WNT3A: variants seen among roughly 807,000 people sequenced by gnomAD.
WNT3A encodes Wnt family member 3A, also known as protein Wnt-3a.
WNT3A carries 17 observed loss-of-function variants against 37.0 expected under a neutral mutation model. The observed-to-expected ratio is 0.46, with a 90% CI of 0.31 to 0.69. The LOEUF is 0.69. Ranked by LOEUF, WNT3A falls within the 30% of genes least tolerant of loss-of-function variation. The probability of loss-of-function intolerance (pLI) is 0.05; values close to 1 mark genes in which losing one functional copy is unlikely to be tolerated. For missense variants in WNT3A, 411 were observed against 510.2 expected, an observed-to-expected ratio of 0.81 and a Z score of 1.87; for synonymous variants, 187 against 211.0, an observed-to-expected ratio of 0.89 and a Z score of 0.99.
chr1:228,026,639 T>C (rs888716700), intron 2 of WNT3A, among the ~76,000 whole-genome samples: 3 of 152,180 alleles, frequency 2.0e-5, no homozygotes, highest in African/African-American at 7.2e-5. Flanking sequence ...GAGTCTCCAG[T>C]GTCCATGATA....
intron 2 of WNT3A, among the ~76,000 whole-genome samples, chr1:228,048,046 T>C (rs998072265): frequency 6.6e-6 from 1 of 151,960 alleles, no homozygotes; most frequent in African/African-American, 2.4e-5. Context: ...GCAGAGGAGG[T>C]CACAGCCCCC....
In WNT3A at chr1:228,037,938, G is replaced by T. The variant is rs2031183748; in HGVS notation, c.314-12718G>T. On this transcript the variant is annotated intron_variant, in intron 2 of 3. Coordinates refer to ENST00000284523, the MANE Select transcript of WNT3A (RefSeq NM_033131.4). The surrounding 1 kb of genome is among the most constrained non-coding windows in gnomAD (Gnocchi z 4.1). ...GCATACTTCCAGGTTGCTATGACTG[G>T]CCTGCGCTCGCCTAATCACCGACTA... Among the ~76,000 whole-genome samples, 1 of 152,232 alleles carries T rather than the reference G, an allele frequency of 6.6e-6. No individual in the cohort carries two copies. Among genetic ancestry groups the T allele is most frequent in the African/African-American group, 2.4e-5 (1 of 41,478 alleles).
chr1:228,030,304 G>A (rs1392883784), intron 2 of WNT3A, among the ~76,000 whole-genome samples: 1 of 150,960 alleles, frequency 6.6e-6, no homozygotes, highest in Admixed American at 6.6e-5. Flanking sequence ...GCTGAGGCAC[G>A]AGAATCACTT....
At position 228,038,524 on chromosome 1, in the gene WNT3A, G is replaced by A. The variant is rs2031196321; in HGVS notation, c.314-12132G>A. Among the ~76,000 whole-genome samples, 1 of 152,236 alleles carries A rather than the reference G, an allele frequency of 6.6e-6. No homozygotes were observed. The highest frequency in any genetic ancestry group is 1.5e-5 in the Non-Finnish European group (1 of 68,030). On this transcript the variant is annotated intron_variant, in intron 2 of 3. Transcript: ENST00000284523. This position sits in a 1 kb window ranked among gnomAD's most constrained non-coding sequence, Gnocchi z 5.7. ...ACAGTGACCTGCAGGCCCCTGGCCAGTCTGGTCAGGTGGTCCTAGCTGGGA... is the reference window on the plus strand; with the variant it reads ...ACAGTGACCTGCAGGCCCCTGGCCAATCTGGTCAGGTGGTCCTAGCTGGGA...
At position 228,037,747 on chromosome 1, in the gene WNT3A, G is replaced by A. The variant is rs1235198295; in HGVS notation, c.314-12909G>A. ...CCCCAGTGGGAGGGGAACCCCGGCCGACTCCCCGCCGCGTCCGGCTGGGAG... is the reference window on the plus strand; with the variant it reads ...CCCCAGTGGGAGGGGAACCCCGGCCAACTCCCCGCCGCGTCCGGCTGGGAG... On this transcript the variant is annotated intron_variant, in intron 2 of 3. Transcript: ENST00000284523. This position sits in a 1 kb window ranked among gnomAD's most constrained non-coding sequence, Gnocchi z 4.1. Among the ~76,000 whole-genome samples, 1 of 152,220 alleles carries A rather than the reference G, an allele frequency of 6.6e-6. No individual in the cohort carries two copies. The highest frequency in any genetic ancestry group is 1.5e-5 in the Non-Finnish European group (1 of 68,026).
At chr1:228,017,597 C>T (rs1028622544) in intron 1 of WNT3A, among the ~76,000 whole-genome samples, 1 of 152,180 alleles carries the variant, frequency 6.6e-6, no homozygotes, top group African/African-American at 2.4e-5. Context: ...CCTGTGGTTC[C>T]AACTACTTGG....
At chr1:228,057,233 T>C (rs930512406) in intron 3 of WNT3A, among the ~76,000 whole-genome samples, 1 of 152,216 alleles carries the variant, frequency 6.6e-6, no homozygotes, top group African/African-American at 2.4e-5. Flanking sequence ...GAAATTAAGC[T>C]AGTTTTTAGG....
chr1:228,009,935 T>C (rs530899925), intron 1 of WNT3A, among the ~76,000 whole-genome samples: 61 of 152,266 alleles, frequency 4.0e-4, no homozygotes, highest in Admixed American at 1.2e-3. Context: ...AGCCTAACAC[T>C]GAATGGCCCA....
intron 2 of WNT3A, among the ~76,000 whole-genome samples, chr1:228,049,301 C>T (rs1162547549): frequency 6.6e-6 from 1 of 152,190 alleles, no homozygotes; most frequent in Non-Finnish European, 1.5e-5. Flanking sequence ...ATCTGGGCAG[C>T]AGAAGGAATT....
rs71650378 is a variant in WNT3A, at chr1:228,037,475, C to T, written c.314-13181C>T. On this transcript the variant is annotated intron_variant, in intron 2 of 3. Coordinates refer to ENST00000284523, the MANE Select transcript of WNT3A (RefSeq NM_033131.4). The surrounding 1 kb of genome is among the most constrained non-coding windows in gnomAD (Gnocchi z 4.1). ...CCAGCCTCCTCTCCTCCCCGCTGAG[C>T]CCCCAGGAGCCCCTCGGGGGTGGTC... Among the ~76,000 whole-genome samples, 1,148 of 152,158 alleles carry T rather than the reference C, an allele frequency of 7.5e-3. 10 individuals carry two copies. The highest frequency in any genetic ancestry group is 0.012 in the Non-Finnish European group (824 of 67,960).
In WNT3A at chr1:228,050,764, G is replaced by C. The variant is rs148616293; in HGVS notation, c.422G>C (p.Arg141Pro). The change falls in exon 3 of 4, where the codon CGC (arginine) becomes CCC (proline). Residue 141 changes from arginine (R) to proline (P), a missense_variant. Transcript: ENST00000284523. The surrounding 1 kb of genome is among the most constrained non-coding windows in gnomAD (Gnocchi z 5.0). ...GTAAICGCSS[R>P]HQGSPGKGWK... ...GCCGCCATCTGTGGCTGCAGCAGCC[G>C]CCACCAGGGCTCACCAGGCAAGGGC... is the stretch of plus-strand genomic sequence containing the variant. 4.3e-5 allele frequency: 70 copies of C among 1,613,986 alleles called. No homozygotes were observed. The highest frequency in any genetic ancestry group is 5.7e-5 in the Non-Finnish European group (67 of 1,180,036).
chr1:228,022,544 C>A, intron 1 of WNT3A, 123 bp from the exon 2 acceptor site: 1 of 1,243,846 alleles, frequency 8.0e-7, no homozygotes, highest in Non-Finnish European at 1.1e-6. Context: ...AGATTTCCTT[C>A]ATGGTGGAAG....
chr1:228,026,136 AT>A (rs35216745), intron 2 of WNT3A, among the ~76,000 whole-genome samples: 99,050 of 150,388 alleles, frequency 0.66, 32,669 homozygotes, highest in Middle Eastern at 0.74. Context: ...CAAGAAATAC[AT>A]TTTTTTTTTT....
chr1:228,046,594 G>A (rs1315521465), intron 2 of WNT3A, among the ~76,000 whole-genome samples: 1 of 149,686 alleles, frequency 6.7e-6, no homozygotes, highest in Non-Finnish European at 1.5e-5. Flanking sequence ...GTATATGTGG[G>A]GTATGTGCAT....
chr1:228,040,610 G>A (rs537982599), intron 2 of WNT3A, among the ~76,000 whole-genome samples: 5 of 152,280 alleles, frequency 3.3e-5, no homozygotes, highest in African/African-American at 7.2e-5. Context: ...ATGGCCGGGC[G>A]CAGTGGCTCA....
At chr1:228,034,087 C>T (rs2031081061) in intron 2 of WNT3A, among the ~76,000 whole-genome samples, 1 of 152,110 alleles carries the variant, frequency 6.6e-6, no homozygotes, top group African/African-American at 2.4e-5. Context: ...CATGACAAAA[C>T]CCTGTCTCTA....
chr1:228,029,468 C>T (rs2030944712), intron 2 of WNT3A, among the ~76,000 whole-genome samples: 1 of 152,128 alleles, frequency 6.6e-6, no homozygotes, highest in South Asian at 2.1e-4. Context: ...ACTTTGGAGA[C>T]CATGGTGCCG....
chr1:228,013,119 C>T (rs1320198715), intron 1 of WNT3A, among the ~76,000 whole-genome samples: 1 of 152,168 alleles, frequency 6.6e-6, no homozygotes, highest in African/African-American at 2.4e-5. Flanking sequence ...AACCATGTGG[C>T]CCAGGCTGGT....
In WNT3A at chr1:228,039,896, C is replaced by G. The variant is rs1044833710; in HGVS notation, c.314-10760C>G. On this transcript the variant is annotated intron_variant, in intron 2 of 3. Transcript: ENST00000284523. This position sits in a 1 kb window ranked among gnomAD's most constrained non-coding sequence, Gnocchi z 4.1. ...TAACAACAATCCCCACCCCCTGACC[C>G]AGAACTTTCCCTCCTTCAAGTTGTT... Among the ~76,000 whole-genome samples, 8 of 152,200 alleles carry G rather than the reference C, an allele frequency of 5.3e-5. No homozygotes were observed. Among genetic ancestry groups the G allele is most frequent in the African/African-American group, 1.9e-4 (8 of 41,450 alleles).
Sources: gnomAD v4.1 joint callset for allele counts (sites outside exome capture counted in the v4.1 genomes callset) on GRCh38, gnomAD v4.1.1 for gene constraint, Gnocchi (gnomAD v3.1) non-coding constraint, MANE v1.5 for transcripts, NCBI Gene and HGNC (gene_info 2026-07-23, HGNC 2026-07-21) for gene names.